The following IFT80 variants were observed in gnomAD, a reference collection of about 807,000 sequenced individuals.
IFT80 encodes intraflagellar transport protein 80 homolog.
In IFT80, 79 loss-of-function variants were observed where a neutral mutation model predicts 107.9. The ratio of observed to expected loss-of-function variants is 0.73; its 90% CI spans 0.61 to 0.88. IFT80 has a LOEUF of 0.88. IFT80 is among the 40% of genes least tolerant of loss of function. The pLI is 0.00. For synonymous variants in IFT80, 299 were observed against 300.9 expected (o/e 0.99, Z 0.07); for missense variants, 797 against 914.2 (o/e 0.87, Z 1.65).
At chr3:160,337,681 T>C (rs1323944974) in intron 8 of IFT80, among the ~76,000 whole-genome samples, 2 of 152,204 alleles carry the variant, frequency 1.3e-5, no homozygotes, top group Admixed American at 1.3e-4. Context: ...TATTTTTTCT[T>C]TGAGTATCCT....
chr3:160,378,444 G>C (rs1335327198), intron 3 of IFT80, among the ~76,000 whole-genome samples: 1 of 151,904 alleles, frequency 6.6e-6, no homozygotes, highest in Non-Finnish European at 1.5e-5. Flanking sequence ...AAAGGGCCTT[G>C]AAGCAAATAC....
chr3:160,258,785 CA>C (rs1218991660), intron 19 of IFT80, 150 bp from the exon 20 acceptor site: 11 of 1,108,740 alleles, frequency 9.9e-6, no homozygotes, highest in Non-Finnish European at 1.3e-5. Context: ...AAAAAGAGAG[CA>C]TCAAAGTTAA....
chr3:160,292,530 AG>A (rs1715647410), intron 12 of IFT80, among the ~76,000 whole-genome samples: 1 of 131,336 alleles, frequency 7.6e-6, no homozygotes, highest in Non-Finnish European at 1.5e-5. Context: ...CCCAGGCTGG[AG>A]TGCAGTGGCG....
intron 3 of IFT80, among the ~76,000 whole-genome samples, chr3:160,379,561 G>C (rs1387584653): frequency 6.6e-6 from 1 of 152,064 alleles, no homozygotes; most frequent in East Asian, 1.9e-4. Flanking sequence ...GTGTGTGCTG[G>C]GGGCGAGGAG....
At chr3:160,284,237 A>G (rs1370803048) in intron 13 of IFT80, among the ~76,000 whole-genome samples, 3 of 152,094 alleles carry the variant, frequency 2.0e-5, no homozygotes, top group Admixed American at 2.0e-4. Flanking sequence ...ATTGTAAATT[A>G]GGAAATTCTT....
chr3:160,280,440 G>C (rs549305064), intron 15 of IFT80, among the ~76,000 whole-genome samples: 1 of 152,220 alleles, frequency 6.6e-6, no homozygotes, highest in East Asian at 1.9e-4. Flanking sequence ...TATTAAGCTT[G>C]AAAATTATAT....
At chr3:160,383,446 A>G in intron 2 of IFT80, 1 of 963,730 alleles carries the variant, frequency 1.0e-6, no homozygotes, top group Non-Finnish European at 1.2e-6. Flanking sequence ...CCAATTTAAA[A>G]TGTCTGACCA....
intron 6 of IFT80, among the ~76,000 whole-genome samples, chr3:160,360,834 G>A (rs1165734448): frequency 6.6e-6 from 1 of 152,246 alleles, no homozygotes; most frequent in African/African-American, 2.4e-5. Context: ...CACCAGGCCT[G>A]CCTTACAAGA....
chr3:160,353,770 C>A (rs1312167663), intron 8 of IFT80, among the ~76,000 whole-genome samples: 1 of 152,176 alleles, frequency 6.6e-6, no homozygotes, highest in Non-Finnish European at 1.5e-5. Flanking sequence ...CTCCACTAGA[C>A]TGTCAACAAC....
At chr3:160,387,797 C>T (rs1200654839) in intron 1 of IFT80, among the ~76,000 whole-genome samples, 1 of 152,018 alleles carries the variant, frequency 6.6e-6, no homozygotes, top group African/African-American at 2.4e-5. Flanking sequence ...TATTCAAAGC[C>T]ATGGAATAAG....
chr3:160,322,834 C>T (rs1475981349), intron 8 of IFT80, among the ~76,000 whole-genome samples: 1 of 152,112 alleles, frequency 6.6e-6, no homozygotes, highest in Admixed American at 6.6e-5. Context: ...TAAATGTCTT[C>T]TTTTGAGAAG....
At chr3:160,286,573 T>A (rs75446147) in intron 12 of IFT80, among the ~76,000 whole-genome samples, 56 of 152,196 alleles carry the variant, frequency 3.7e-4, no homozygotes, top group African/African-American at 1.3e-3. Flanking sequence ...GCAATATGAG[T>A]TTAGTTAAGG....
At chr3:160,396,797 C>A (rs1156758246) in intron 1 of IFT80, among the ~76,000 whole-genome samples, 1 of 152,156 alleles carries the variant, frequency 6.6e-6, no homozygotes, top group Non-Finnish European at 1.5e-5. Context: ...TGGCAACAAT[C>A]AACCAAAAGT....
intron 8 of IFT80, among the ~76,000 whole-genome samples, chr3:160,339,052 A>C (rs1178777823): frequency 1.3e-5 from 2 of 152,178 alleles, no homozygotes; most frequent in Non-Finnish European, 2.9e-5. Context: ...ACTCCAGCTT[A>C]CCTAGCATCT....
Position 160,279,238 on chromosome 3 carries a change from G to C in IFT80, c.1791C>G (p.Ser597Arg). ...PYPAILHEYVSSSKWEDAVRL... is the reference protein window; with the variant it reads ...PYPAILHEYVRSSKWEDAVRL... ...TCACAGCATCTTCCCATTTTGAACTGCTTACATATTCATGGAGAATAGCAG... is the reference window on the plus strand; with the variant it reads ...TCACAGCATCTTCCCATTTTGAACTCCTTACATATTCATGGAGAATAGCAG... Residue 597 changes from serine (S) to arginine (R), a missense_variant, in exon 16 of 20, where the codon AGC (serine) becomes AGG (arginine). Ser to Arg is a moderately radical substitution (Grantham distance 110, BLOSUM62 -1). Coordinates refer to ENST00000326448, the MANE Select transcript of IFT80 (RefSeq NM_020800.3). 6.2e-7 allele frequency: 1 copy of C among 1,613,502 alleles called. No individual in the cohort carries two copies. The highest frequency in any genetic ancestry group is 8.5e-7 in the Non-Finnish European group (1 of 1,179,566).
At chr3:160,269,200 G>T (rs1379062530) in intron 18 of IFT80, among the ~76,000 whole-genome samples, 2 of 149,952 alleles carry the variant, frequency 1.3e-5, no homozygotes, top group African/African-American at 5.0e-5. Flanking sequence ...CTGCATTCCG[G>T]CCTGGGTGAC....
chr3:160,392,979 G>A (rs1469976919), intron 1 of IFT80, among the ~76,000 whole-genome samples: 3 of 152,202 alleles, frequency 2.0e-5, no homozygotes, highest in Admixed American at 2.0e-4. Context: ...GGCTGAAGCA[G>A]GAGGACTGCT....
chr3:160,355,275 G>A (rs1402292289), intron 8 of IFT80, among the ~76,000 whole-genome samples: 1 of 152,148 alleles, frequency 6.6e-6, no homozygotes, highest in Non-Finnish European at 1.5e-5. Context: ...TTTAGAGACA[G>A]GGTCTAATTC....
intron 19 of IFT80, among the ~76,000 whole-genome samples, chr3:160,261,104 G>A (rs1460161969): frequency 6.6e-6 from 1 of 151,824 alleles, no homozygotes; most frequent in Admixed American, 6.6e-5. Flanking sequence ...TCACTGACTC[G>A]CTCTCATCAT....
Sources: allele counts gnomAD v4.1 joint callset (sites outside exome capture counted in the v4.1 genomes callset), GRCh38; gene constraint gnomAD v4.1.1; transcripts MANE v1.5; gene names NCBI Gene and HGNC (gene_info 2026-07-23, HGNC 2026-07-21).